BBX: variants seen among roughly 807,000 people sequenced by gnomAD.
The protein encoded by BBX is BBX high mobility group box domain containing, also known as HMG box transcription factor BBX.
BBX carries 30 observed loss-of-function variants against 100.2 expected under a neutral mutation model. The observed-to-expected ratio is 0.30, with a 90% CI of 0.22 to 0.41. The LOEUF (loss-of-function observed/expected upper bound fraction) is 0.41. BBX is among the 10% of genes least tolerant of loss of function. The pLI is 1.00. For synonymous variants in BBX, 376 were observed against 388.1 expected (o/e 0.97, Z 0.37); for missense variants, 1,023 against 1,129.8 (o/e 0.91, Z 1.35).
intron 5 of BBX, among the ~76,000 whole-genome samples, chr3:107,721,545 GT>G (rs968702346): frequency 6.6e-6 from 1 of 151,858 alleles, no homozygotes; most frequent in Admixed American, 6.6e-5. Context: ...AAGATGTGTG[GT>G]TTGTGTTTCA....
At position 107,579,949 on chromosome 3, in the gene BBX, C is replaced by T. The variant is rs184377387; in HGVS notation, c.-84+53551C>T. Among the ~76,000 whole-genome samples, 1,128 of 152,122 alleles carry T rather than the reference C, an allele frequency of 7.4e-3. 5 individuals are homozygous for T. The highest frequency in any genetic ancestry group is 0.014 in the Middle Eastern group (4 of 294). On this transcript the variant is annotated intron_variant, in intron 2 of 17. Coordinates refer to ENST00000325805, the MANE Select transcript of BBX (RefSeq NM_001142568.3). Reference sequence around the variant, plus strand: ...TTTTAAGAACACAAGTTGGCAAGCTCTGGAGTATTTTTTGTTAATTATATA... The same window carrying T: ...TTTTAAGAACACAAGTTGGCAAGCTTTGGAGTATTTTTTGTTAATTATATA...
chr3:107,604,942 T>A (rs2054320109), intron 2 of BBX, among the ~76,000 whole-genome samples: 1 of 152,190 alleles, frequency 6.6e-6, no homozygotes. Flanking sequence ...TATTCTTATT[T>A]CAGTTCATCT....
chr3:107,638,329 A>G (rs2056974001), intron 2 of BBX, among the ~76,000 whole-genome samples: 2 of 152,228 alleles, frequency 1.3e-5, no homozygotes, highest in Admixed American at 1.3e-4. Context: ...TGCTAGAATT[A>G]TAGGCGTGAG....
At chr3:107,572,197 T>G (rs1434955496) in intron 2 of BBX, among the ~76,000 whole-genome samples, 1 of 152,232 alleles carries the variant, frequency 6.6e-6, no homozygotes, top group Non-Finnish European at 1.5e-5. Context: ...TGTGTGCTGG[T>G]GACCACATCG....
At chr3:107,696,968 C>G (rs2060653140) in intron 3 of BBX, among the ~76,000 whole-genome samples, 1 of 151,820 alleles carries the variant, frequency 6.6e-6, no homozygotes, top group Middle Eastern at 3.4e-3. Flanking sequence ...TCACTGATAC[C>G]CTTTCTTCCA....
chr3:107,649,598 C>A (rs2057718480), intron 3 of BBX, among the ~76,000 whole-genome samples: 1 of 152,124 alleles, frequency 6.6e-6, no homozygotes, highest in Non-Finnish European at 1.5e-5. Flanking sequence ...AATCTTGATA[C>A]CCTGTACCAT....
At chr3:107,595,747 A>G (rs2053631843) in intron 2 of BBX, among the ~76,000 whole-genome samples, 1 of 152,190 alleles carries the variant, frequency 6.6e-6, no homozygotes, top group African/African-American at 2.4e-5. Context: ...CAGAATGCAT[A>G]TGATCTCTAA....
chr3:107,633,549 A>G (rs1193477236), intron 2 of BBX, among the ~76,000 whole-genome samples: 1 of 152,214 alleles, frequency 6.6e-6, no homozygotes, highest in African/African-American at 2.4e-5. Context: ...GATTGATTTC[A>G]GGCATCATGG....
At chr3:107,743,629 G>T (rs1021477334) in intron 7 of BBX, among the ~76,000 whole-genome samples, 3 of 152,176 alleles carry the variant, frequency 2.0e-5, no homozygotes, top group African/African-American at 7.2e-5. Context: ...TCTTAAGAGG[G>T]TCAGTGAGAA....
chr3:107,679,012 CA>C (rs1390581561), intron 3 of BBX, among the ~76,000 whole-genome samples: 2 of 151,600 alleles, frequency 1.3e-5, no homozygotes, highest in African/African-American at 4.8e-5. Flanking sequence ...TGCGGGTTTA[CA>C]AATTCAGGAA....
chr3:107,680,046 G>A (rs2059492387), intron 3 of BBX, among the ~76,000 whole-genome samples: 1 of 152,154 alleles, frequency 6.6e-6, no homozygotes, highest in South Asian at 2.1e-4. Flanking sequence ...AGTGTTCAGT[G>A]TGAATGTAAT....
At chr3:107,551,535 A>G (rs1310062907) in intron 2 of BBX, among the ~76,000 whole-genome samples, 2 of 152,248 alleles carry the variant, frequency 1.3e-5, no homozygotes, top group Non-Finnish European at 2.9e-5. Flanking sequence ...TAAGACTGTA[A>G]GAAGAGGCAA....
At chr3:107,576,703 T>TATTG (rs10670737) in intron 2 of BBX, among the ~76,000 whole-genome samples, 36,893 of 151,900 alleles carry the variant, frequency 0.24, 4,911 homozygotes, top group Non-Finnish European at 0.3. Flanking sequence ...AGATTCCAAA[T>TATTG]ATTGATTGAT....
intron 13 of BBX, among the ~76,000 whole-genome samples, chr3:107,786,022 G>T (rs1375827165): frequency 6.6e-6 from 1 of 152,008 alleles, no homozygotes; most frequent in African/African-American, 2.4e-5. Context: ...ATTATATTTT[G>T]ATACACTTAA....
chr3:107,686,449 G>T (rs2059854050), intron 3 of BBX, among the ~76,000 whole-genome samples: 1 of 151,330 alleles, frequency 6.6e-6, no homozygotes, highest in Non-Finnish European at 1.5e-5. Flanking sequence ...TTTTCTTCTG[G>T]TGAATTTCTA....
chr3:107,563,292 A>G (rs1190573380), intron 2 of BBX, among the ~76,000 whole-genome samples: 2 of 152,178 alleles, frequency 1.3e-5, no homozygotes, highest in Non-Finnish European at 2.9e-5. Context: ...ACCCCTGTGA[A>G]GCTCCTTGCA....
intron 2 of BBX, among the ~76,000 whole-genome samples, chr3:107,567,339 C>T (rs2050995944): frequency 6.6e-6 from 1 of 152,012 alleles, no homozygotes; most frequent in African/African-American, 2.4e-5. Flanking sequence ...CTCTTATTTT[C>T]AGAGAGAGGT....
intron 10 of BBX, among the ~76,000 whole-genome samples, chr3:107,765,409 C>G (rs1342482477): frequency 1.3e-5 from 2 of 152,076 alleles, no homozygotes; most frequent in South Asian, 2.1e-4. Context: ...GGCTCTGGCT[C>G]CAGCATCCCT....
chr3:107,603,479 A>G (rs933253671), intron 2 of BBX, among the ~76,000 whole-genome samples: 5 of 151,038 alleles, frequency 3.3e-5, no homozygotes, highest in East Asian at 2.0e-4. Context: ...CCCAGGTTCA[A>G]GTGATTCTCC....
Sources: allele counts gnomAD v4.1 joint callset (sites outside exome capture counted in the v4.1 genomes callset), GRCh38; gene constraint gnomAD v4.1.1; transcripts MANE v1.5; gene names NCBI Gene and HGNC (gene_info 2026-07-23, HGNC 2026-07-21).